The following EYS variants were observed in gnomAD, a reference collection of about 807,000 sequenced individuals.
EYS encodes the protein protein eyes shut homolog.
A neutral mutation model predicts 282.1 loss-of-function variants in EYS; 250 were observed. The observed-to-expected ratio is 0.89, with a 90% CI of 0.80 to 0.98. The LOEUF is 0.98. EYS is among the 50% of genes least tolerant of loss of function. The pLI, the probability that EYS is intolerant of heterozygous loss-of-function variation, is 0.00. For synonymous variants in EYS, 1,355 were observed against 1,282.9 expected, an observed-to-expected ratio of 1.06 and a Z score of -1.20; for missense variants, 4,016 against 3,709.0, an observed-to-expected ratio of 1.08 and a Z score of -2.15.
intron 18 of EYS, among the ~76,000 whole-genome samples, chr6:64,889,762 C>A (rs1180839072): frequency 6.6e-6 from 1 of 151,912 alleles, no homozygotes; most frequent in African/African-American, 2.4e-5. Flanking sequence ...AGATGTATGT[C>A]GCCTCAGGAC....
chr6:65,309,049 G>A (rs1356620765), intron 11 of EYS, among the ~76,000 whole-genome samples: 2 of 152,038 alleles, frequency 1.3e-5, no homozygotes, highest in East Asian at 3.9e-4. Context: ...GAATTGCATG[G>A]TATTAAAACC....
intron 18 of EYS, among the ~76,000 whole-genome samples, chr6:64,888,975 AT>A (rs1767187726): frequency 6.6e-6 from 1 of 152,080 alleles, no homozygotes; most frequent in African/African-American, 2.4e-5. Context: ...TTTCATTTCA[AT>A]TTATGTATTT....
At chr6:64,810,060 A>G (rs1263159368) in intron 22 of EYS, among the ~76,000 whole-genome samples, 1 of 152,026 alleles carries the variant, frequency 6.6e-6, no homozygotes, top group Non-Finnish European at 1.5e-5. Flanking sequence ...TATGTAAGCA[A>G]TATTGCTACC....
At chr6:65,183,129 A>T (rs1226308848) in intron 12 of EYS, among the ~76,000 whole-genome samples, 21 of 151,986 alleles carry the variant, frequency 1.4e-4, no homozygotes. Context: ...TATGTTTAAA[A>T]TTTCAACTTT....
At chr6:63,736,536 G>T in intron 41 of EYS, among the ~76,000 whole-genome samples, 1 of 152,108 alleles carries the variant, frequency 6.6e-6, no homozygotes, top group South Asian at 2.1e-4. Flanking sequence ...CTCCAGCTTT[G>T]TTCTTCTGGC....
chr6:64,416,662 A>G (rs1179218958), intron 28 of EYS, among the ~76,000 whole-genome samples: 1 of 152,142 alleles, frequency 6.6e-6, no homozygotes, highest in Non-Finnish European at 1.5e-5. Flanking sequence ...GTGCTAAGAA[A>G]TTGGAGGTTT....
At chr6:65,071,913 G>A (rs1309948477) in intron 12 of EYS, among the ~76,000 whole-genome samples, 2 of 151,758 alleles carry the variant, frequency 1.3e-5, no homozygotes, top group Non-Finnish European at 2.9e-5. Flanking sequence ...AAAAGTGCTT[G>A]ATGAGGAATT....
chr6:64,793,350 C>T (rs996608486), intron 22 of EYS, among the ~76,000 whole-genome samples: 2 of 151,976 alleles, frequency 1.3e-5, no homozygotes, highest in African/African-American at 4.8e-5. Context: ...GCTAAAGTCT[C>T]ACAAAATTTT....
At chr6:65,132,999 C>A (rs1253152159) in intron 12 of EYS, among the ~76,000 whole-genome samples, 1 of 151,832 alleles carries the variant, frequency 6.6e-6, no homozygotes, top group Non-Finnish European at 1.5e-5. Flanking sequence ...AGGAGTATAG[C>A]TAATCAGGGA....
rs2149831812 is a variant in EYS at position 64,591,052 on chromosome 6, G to A, written c.4815C>T (p.Ile1605=). 1 of 1,551,306 alleles carries A rather than the reference G, an allele frequency of 6.4e-7. No homozygotes were observed. The highest frequency in any genetic ancestry group is 8.7e-7 in the Non-Finnish European group (1 of 1,146,774). Reference sequence around the variant, plus strand: ...CAGAAGAAAATGAATGCCCAGAAGTGATAGTTTGAGCTCCCATTAGTGCAT... The same window carrying A: ...CAGAAGAAAATGAATGCCCAGAAGTAATAGTTTGAGCTCCCATTAGTGCAT... ...SWYALMGAQT[I]TSGHSFSSAT... The change falls in exon 26 of 43, where the codon ATC becomes ATT. Residue 1605 remains isoleucine, a synonymous_variant. Transcript: ENST00000503581.
chr6:64,134,556 A>G (rs566957317), intron 31 of EYS, among the ~76,000 whole-genome samples: 3 of 152,220 alleles, frequency 2.0e-5, no homozygotes, highest in African/African-American at 4.8e-5. Context: ...AGGGCAAAAA[A>G]TCTAAATTCG....
intron 12 of EYS, among the ~76,000 whole-genome samples, chr6:65,235,417 A>G (rs1766896940): frequency 6.7e-6 from 1 of 149,028 alleles, no homozygotes; most frequent in Admixed American, 6.7e-5. Context: ...TGCATAAGAC[A>G]CAATAAGGAA....
chr6:65,252,950 G>A (rs2150284260), intron 12 of EYS, among the ~76,000 whole-genome samples: 1 of 151,980 alleles, frequency 6.6e-6, no homozygotes, highest in East Asian at 1.9e-4. Context: ...GAGAGCCTCA[G>A]ACCTGTTAGA....
At chr6:65,378,433 G>C (rs571231481) in intron 8 of EYS, among the ~76,000 whole-genome samples, 1 of 152,280 alleles carries the variant, frequency 6.6e-6, no homozygotes, top group African/African-American at 2.4e-5. Context: ...TACACTGTTG[G>C]TGGGAGTGTA....
intron 35 of EYS, among the ~76,000 whole-genome samples, chr6:63,899,618 C>T (rs1039338225): frequency 1.3e-5 from 2 of 152,184 alleles, no homozygotes; most frequent in African/African-American, 4.8e-5. Flanking sequence ...GGGCCAATTC[C>T]TGTTTATGCC....
intron 19 of EYS, among the ~76,000 whole-genome samples, chr6:64,851,911 G>A (rs929896392): frequency 6.6e-6 from 1 of 152,054 alleles, no homozygotes; most frequent in African/African-American, 2.4e-5. Context: ...ATCTGTACAA[G>A]AAACCCCCAT....
intron 2 of EYS, among the ~76,000 whole-genome samples, chr6:65,618,899 T>C (rs959463795): frequency 2.6e-5 from 4 of 152,174 alleles, no homozygotes; most frequent in African/African-American, 9.7e-5. Context: ...TCTGTTCTGT[T>C]CCATTGATCT....
At chr6:63,840,060 T>C (rs961058085) in intron 36 of EYS, among the ~76,000 whole-genome samples, 1 of 150,122 alleles carries the variant, frequency 6.7e-6, no homozygotes, top group Non-Finnish European at 1.5e-5. Context: ...TTTTTTTTTT[T>C]TTTTTGAGAC....
intron 36 of EYS, among the ~76,000 whole-genome samples, chr6:63,857,235 A>T (rs1772417334): frequency 6.6e-6 from 1 of 152,212 alleles, no homozygotes. Context: ...TTCAGAAAGA[A>T]GGAAGATTTG....
Sources: gnomAD v4.1 joint callset for allele counts (sites outside exome capture counted in the v4.1 genomes callset) on GRCh38, gnomAD v4.1.1 for gene constraint, MANE v1.5 for transcripts, NCBI Gene and HGNC (gene_info 2026-07-23, HGNC 2026-07-21) for gene names.